Variants in RAB40A observed in about 807,000 individuals in gnomAD.
RAB40A encodes ras-related protein Rab-40A.
For synonymous variants in RAB40A, 65 were observed against 99.9 expected, an observed-to-expected ratio of 0.65 and a Z score of 2.08; for missense variants, 145 against 230.2, an observed-to-expected ratio of 0.63 and a Z score of 2.40.
At chrX:103,503,492 A>G in intron 2 of RAB40A, 6 of 752,242 alleles carry the variant, frequency 8.0e-6, no homozygotes, top group Non-Finnish European at 9.4e-6. Context: ...TCCACAGCCA[A>G]TGGACCAGCT....
At chrX:103,506,907 A>C (rs1180269096) in intron 2 of RAB40A, among the ~76,000 whole-genome samples, 1 of 111,581 alleles carries the variant, frequency 9.0e-6, no homozygotes, top group Non-Finnish European at 1.9e-5. Flanking sequence ...GGTTTTTGTA[A>C]TTTTTTTTAA....
At chrX:103,495,506 G>A (rs1303408709), downstream of RAB40A, among the ~76,000 whole-genome samples, 1 of 110,570 alleles carries the variant, frequency 9.0e-6, no homozygotes, top group Non-Finnish European at 1.9e-5. Context: ...TAATCCCTGT[G>A]CCCACCCCCA....
At chrX:103,516,356 G>A (rs952657229) in intron 2 of RAB40A, among the ~76,000 whole-genome samples, 5 of 111,671 alleles carry the variant, frequency 4.5e-5, no homozygotes, top group Admixed American at 1.9e-4. Context: ...CTAGCAAAAC[G>A]CAGTATTATA....
At chrX:103,508,329 A>G (rs759867696) in intron 2 of RAB40A, among the ~76,000 whole-genome samples, 2 of 111,870 alleles carry the variant, frequency 1.8e-5, no homozygotes, top group African/African-American at 6.5e-5. Context: ...GGGAGGGTGA[A>G]GGATGGGACC....
At chrX:103,504,439 A>AT (rs2073244307) in intron 2 of RAB40A, among the ~76,000 whole-genome samples, 1 of 112,024 alleles carries the variant, frequency 8.9e-6, no homozygotes, top group East Asian at 2.8e-4. Context: ...TGGGTACATC[A>AT]TTTTTTAAAA....
At chrX:103,518,593 G>A (rs2073327548) in intron 1 of RAB40A, among the ~76,000 whole-genome samples, 1 of 111,309 alleles carries the variant, frequency 9.0e-6, no homozygotes, top group Admixed American at 9.7e-5. Flanking sequence ...GGACAAAGAT[G>A]AAGCAATTTG....
In RAB40A at chrX:103,500,282, A is replaced by T. The variant is rs1264801865; in HGVS notation, c.475T>A (p.Cys159Ser). ...AAAGACTCTATGATGTTGAAATTGCACAGAGGGCTGACCTCAAAGAAGGTC... is the reference window on the plus strand; with the variant it reads ...AAAGACTCTATGATGTTGAAATTGCTCAGAGGGCTGACCTCAAAGAAGGTC... ...GVTFFEVSPL[C>S]NFNIIESFTE... The change falls in exon 3 of 3, where the codon TGC (cysteine) becomes AGC (serine). Residue 159 changes from cysteine (C) to serine (S), a missense_variant. By Grantham distance (112) the Cys-to-Ser change is moderately radical (BLOSUM62 -1). Transcript: ENST00000304236. 1 of 1,210,321 alleles carries T rather than the reference A, an allele frequency of 8.3e-7. No individual in the cohort carries two copies. The highest frequency in any genetic ancestry group is 1.1e-6 in the Non-Finnish European group (1 of 895,266).
downstream of RAB40A, among the ~76,000 whole-genome samples, chrX:103,495,994 G>C (rs1168153667): frequency 8.9e-6 from 1 of 111,803 alleles, no homozygotes; most frequent in Non-Finnish European, 1.9e-5. Flanking sequence ...GAGATGAATT[G>C]CCCTTTTTAT....
chrX:103,500,881 TAAAG>T, intron 2 of RAB40A, 55 bp from the exon 3 acceptor site: 2 of 1,070,555 alleles, frequency 1.9e-6, no homozygotes, highest in Non-Finnish European at 2.5e-6. Context: ...GTCTGTGAAA[TAAAG>T]CGAAATGAGG....
chrX:103,494,929 G>T (rs930515966), downstream of RAB40A, among the ~76,000 whole-genome samples: 3 of 111,789 alleles, frequency 2.7e-5, no homozygotes, highest in African/African-American at 9.7e-5. Flanking sequence ...TGAATTTTAG[G>T]ATTGTTCTGT....
At chrX:103,515,660 A>G (rs940728664) in intron 2 of RAB40A, among the ~76,000 whole-genome samples, 1 of 112,265 alleles carries the variant, frequency 8.9e-6, no homozygotes, top group African/African-American at 3.2e-5. Context: ...AATAGAAAAG[A>G]GTGAGTACTC....
chrX:103,496,535 G>A (rs1001185436), downstream of RAB40A, among the ~76,000 whole-genome samples: 1 of 112,046 alleles, frequency 8.9e-6, no homozygotes, highest in African/African-American at 3.2e-5. Context: ...ATTTAACCAC[G>A]ACAAATTTTG....
intron 2 of RAB40A, chrX:103,502,979 A>G (rs761551492): frequency 8.4e-5 from 64 of 761,825 alleles, no homozygotes; most frequent in Non-Finnish European, 1.0e-4. Flanking sequence ...GTCATTTTTC[A>G]TTGTTTCTAC....
At chrX:103,503,572 TAAA>T (rs113570594) in intron 2 of RAB40A, 43 of 518,563 alleles carry the variant, frequency 8.3e-5, no homozygotes, top group Admixed American at 1.0e-4. Context: ...TGTCCTCCTT[TAAA>T]AAAAAAAAAA....
chrX:103,508,966 C>A (rs999471229), intron 2 of RAB40A, among the ~76,000 whole-genome samples: 9 of 112,177 alleles, frequency 8.0e-5, no homozygotes, highest in Non-Finnish European at 1.5e-4. Flanking sequence ...TACATCACAT[C>A]AAAATTTCAG....
At chrX:103,519,182 A>C (rs940235446) in intron 1 of RAB40A, among the ~76,000 whole-genome samples, 188 bp downstream of exon 1, 3 of 111,493 alleles carry the variant, frequency 2.7e-5, no homozygotes, top group African/African-American at 6.5e-5. Context: ...ATCTAACACC[A>C]TTTTGTTAAA....
chrX:103,502,275 A>C (rs1018941627), intron 2 of RAB40A: 19 of 123,424 alleles, frequency 1.5e-4, no homozygotes, highest in African/African-American at 5.8e-4. Flanking sequence ...GATTAATTCC[A>C]GATTTAGCTG....
downstream of RAB40A, chrX:103,497,689 C>T (rs1445452149): frequency 8.9e-6 from 1 of 111,963 alleles, no homozygotes; most frequent in Non-Finnish European, 1.9e-5. Flanking sequence ...TGTGGTCCAG[C>T]TCTTGTGTCA....
chrX:103,500,971 A>G (rs1429745418), intron 2 of RAB40A, 145 bp from the exon 3 acceptor site: 2 of 619,256 alleles, frequency 3.2e-6, no homozygotes, highest in African/African-American at 4.6e-5. Context: ...CTTACCCAGC[A>G]CAGAGTAGTG....
Sources: gnomAD v4.1 joint callset for allele counts (sites outside exome capture counted in the v4.1 genomes callset) on GRCh38, gnomAD v4.1.1 for gene constraint, MANE v1.5 for transcripts, NCBI Gene and HGNC (gene_info 2026-07-23, HGNC 2026-07-21) for gene names.